Variants in ADGRL3 observed in about 807,000 individuals in gnomAD.
The protein encoded by ADGRL3 is adhesion G protein-coupled receptor L3, also known as calcium-independent alpha-latrotoxin receptor 3.
In ADGRL3, 62 loss-of-function variants were observed where a neutral mutation model predicts 153.5. That is an observed-to-expected ratio of 0.40 (90% CI 0.33 to 0.50). The LOEUF is 0.50. Ranked by LOEUF, ADGRL3 falls within the 20% of genes least tolerant of loss-of-function variation. The pLI, the probability that ADGRL3 is intolerant of heterozygous loss-of-function variation, is 0.47. For synonymous variants in ADGRL3, 710 were observed against 672.5 expected (o/e 1.06, Z -0.86); for missense variants, 1,641 against 1,859.4 (o/e 0.88, Z 2.16).
chr4:62,022,243 A>G (rs1358650154), intron 21 of ADGRL3, among the ~76,000 whole-genome samples: 1 of 152,200 alleles, frequency 6.6e-6, no homozygotes, highest in Non-Finnish European at 1.5e-5. Flanking sequence ...AATCCAGTGC[A>G]AGGCCCTAAC....
In ADGRL3 at chr4:61,222,959, C is replaced by G. The variant is rs113682067; in HGVS notation, c.-240+21194C>G. On this transcript the variant is annotated intron_variant, in intron 1 of 26. Transcript: ENST00000683033. ...AAATTGTTAAGATAGTAGAAAACCA[C>G]TATGAGCTGTAGTAATTACCAGAGT... 8.8e-3 allele frequency among the ~76,000 whole-genome samples: 1,337 copies of G among 152,286 alleles called. 11 individuals are homozygous for G. Among genetic ancestry groups the G allele is most frequent in the Non-Finnish European group, 0.013 (876 of 68,026 alleles).
intron 17 of ADGRL3, among the ~76,000 whole-genome samples, chr4:61,960,574 T>A (rs2098983933): frequency 6.6e-6 from 1 of 152,190 alleles, no homozygotes; most frequent in African/African-American, 2.4e-5. Context: ...TATAAATACA[T>A]AACATATTTA....
At chr4:61,869,552 T>C (rs1435107335) in intron 9 of ADGRL3, among the ~76,000 whole-genome samples, 5 of 151,554 alleles carry the variant, frequency 3.3e-5, no homozygotes, top group Non-Finnish European at 7.4e-5. Context: ...GAGCCGAGAT[T>C]GCGCCACTGC....
intron 4 of ADGRL3, among the ~76,000 whole-genome samples, chr4:61,518,514 G>A (rs2098511038): frequency 6.6e-6 from 1 of 152,188 alleles, no homozygotes; most frequent in Non-Finnish European, 1.5e-5. Flanking sequence ...GTTTCAGTCA[G>A]GACCTAAGGG....
At chr4:61,803,845 A>T (rs2097526574) in intron 8 of ADGRL3, among the ~76,000 whole-genome samples, 1 of 152,170 alleles carries the variant, frequency 6.6e-6, no homozygotes, top group African/African-American at 2.4e-5. Context: ...CTTTTTATAG[A>T]CAACTATAAT....
At position 62,054,528 on chromosome 4, in the gene ADGRL3, T is replaced by C. The variant is rs189440536; in HGVS notation, c.3814+9979T>C. On this transcript the variant is annotated intron_variant, in intron 25 of 26. Coordinates refer to ENST00000683033, the MANE Select transcript of ADGRL3 (RefSeq NM_001387552.1). ...AATATGATAGTGTTGTGTTGCATAA[T>C]ATGGAAAAATATTAAATATAAAACC... Among the ~76,000 whole-genome samples the C allele has an allele frequency of 2.0e-3, 296 of 151,770 alleles. 1 individual carries two copies. The highest frequency in any genetic ancestry group is 6.7e-3 in the African/African-American group (279 of 41,532).
intron 8 of ADGRL3, among the ~76,000 whole-genome samples, chr4:61,751,832 C>G (rs35015281): frequency 6.6e-6 from 1 of 151,616 alleles, no homozygotes; most frequent in African/African-American, 2.4e-5. Context: ...GCAGGATTGA[C>G]AAAATGGTGG....
rs1734680965 is a variant in ADGRL3 at position 61,201,573 on chromosome 4, C to G, written c.-432C>G. 6.6e-6 allele frequency: 1 copy of G among 152,286 alleles called. No individual in the cohort carries two copies. Among genetic ancestry groups the G allele is most frequent in the South Asian group, 2.1e-4 (1 of 4,828 alleles). The allele number at this position is 152,286 out of a possible 1,614,324, so 9.4% of individuals were successfully genotyped here. ...AGACTTTTTGTTGTTGTTTCCTTGA[C>G]TGGGGTCTCCACCCTCCTGCTGCTT... On this transcript the variant is annotated 5_prime_UTR_variant, in exon 1 of 27. Transcript: ENST00000683033.
chr4:61,500,763 T>G (rs1434973892), intron 3 of ADGRL3, among the ~76,000 whole-genome samples: 1 of 152,196 alleles, frequency 6.6e-6, no homozygotes, highest in African/African-American at 2.4e-5. Flanking sequence ...TCACTTAATA[T>G]TCACTATAAT....
intron 25 of ADGRL3, among the ~76,000 whole-genome samples, chr4:62,056,312 A>G (rs1258247662): frequency 6.6e-6 from 1 of 151,688 alleles, no homozygotes; most frequent in Non-Finnish European, 1.5e-5. Context: ...TATTTTTTTC[A>G]GTTTTCTTGT....
chr4:62,047,500 C>A (rs1162257099), intron 25 of ADGRL3, among the ~76,000 whole-genome samples: 1 of 151,932 alleles, frequency 6.6e-6, no homozygotes, highest in Admixed American at 6.6e-5. Context: ...GTTCTTGAAT[C>A]AGCTTGTTGT....
intron 5 of ADGRL3, among the ~76,000 whole-genome samples, chr4:61,662,154 C>T (rs1176092659): frequency 6.6e-6 from 1 of 152,184 alleles, no homozygotes; most frequent in African/African-American, 2.4e-5. Context: ...GGAGGCAGGA[C>T]AGGAGCCTCG....
intron 5 of ADGRL3, among the ~76,000 whole-genome samples, chr4:61,619,466 T>A (rs1316383948): frequency 6.6e-6 from 1 of 152,090 alleles, no homozygotes; most frequent in East Asian, 1.9e-4. Context: ...ATTTGAAATG[T>A]TCCATTTTTG....
chr4:61,957,414 T>C (rs1057218196), intron 17 of ADGRL3, among the ~76,000 whole-genome samples: 42 of 152,248 alleles, frequency 2.8e-4, no homozygotes, highest in African/African-American at 1.0e-3. Context: ...AGAACTTTTA[T>C]ATAAAAGAGT....
intron 9 of ADGRL3, among the ~76,000 whole-genome samples, chr4:61,846,429 C>A (rs1223822056): frequency 6.6e-6 from 1 of 152,038 alleles, no homozygotes; most frequent in Non-Finnish European, 1.5e-5. Context: ...CTACTTTCCA[C>A]AGGTTATCAA....
At chr4:61,475,816 C>T (rs969420529) in intron 2 of ADGRL3, among the ~76,000 whole-genome samples, 2 of 152,104 alleles carry the variant, frequency 1.3e-5, no homozygotes, top group Non-Finnish European at 1.5e-5. Context: ...AGTGCTGAAA[C>T]CTGTAGACGT....
intron 11 of ADGRL3, among the ~76,000 whole-genome samples, chr4:61,907,821 G>A (rs1379888738): frequency 6.6e-6 from 1 of 152,078 alleles, no homozygotes; most frequent in Non-Finnish European, 1.5e-5. Context: ...TCCCAAGCCT[G>A]GGTCTGTTTA....
At chr4:61,315,746 C>T (rs2095187284) in intron 1 of ADGRL3, among the ~76,000 whole-genome samples, 1 of 152,122 alleles carries the variant, frequency 6.6e-6, no homozygotes, top group South Asian at 2.1e-4. Flanking sequence ...TTTAAACCGC[C>T]ATAAAATCAT....
At chr4:62,015,448 A>G (rs2099207022) in intron 21 of ADGRL3, among the ~76,000 whole-genome samples, 1 of 152,244 alleles carries the variant, frequency 6.6e-6, no homozygotes, top group African/African-American at 2.4e-5. Context: ...GAGCATAAAA[A>G]GGAACAATTT....
Sources: allele counts gnomAD v4.1 joint callset (sites outside exome capture counted in the v4.1 genomes callset), GRCh38; gene constraint gnomAD v4.1.1; transcripts MANE v1.5; gene names NCBI Gene and HGNC (gene_info 2026-07-23, HGNC 2026-07-21).